Variants in ZC3H6 observed in about 807,000 individuals in gnomAD.
ZC3H6 encodes the protein zinc finger CCCH domain-containing protein 6.
Under a neutral mutation model 107.7 loss-of-function variants are expected in ZC3H6, and 40 were observed. The observed-to-expected ratio is 0.37, with a 90% CI of 0.29 to 0.48. The LOEUF is 0.48. ZC3H6 is among the 20% of genes least tolerant of loss of function. The pLI, the probability that ZC3H6 is intolerant of heterozygous loss-of-function variation, is 0.98. For missense variants in ZC3H6, 1,267 were observed against 1,410.4 expected (o/e 0.90, Z 1.63); for synonymous variants, 493 against 487.9 (o/e 1.01, Z -0.14).
intron 9 of ZC3H6, among the ~76,000 whole-genome samples, chr2:112,323,591 A>C (rs572681254): frequency 6.6e-6 from 1 of 152,330 alleles, no homozygotes; most frequent in African/African-American, 2.4e-5. Flanking sequence ...TAAAGATTAG[A>C]AGTGGAGTGG....
At chr2:112,280,940 A>G (rs1232558719) in intron 1 of ZC3H6, among the ~76,000 whole-genome samples, 2 of 151,634 alleles carry the variant, frequency 1.3e-5, no homozygotes, top group East Asian at 3.9e-4. Context: ...ATAGGAGGAA[A>G]TGGACTACAG....
chr2:112,319,627 C>A (rs1676764489), intron 7 of ZC3H6, among the ~76,000 whole-genome samples: 1 of 150,676 alleles, frequency 6.6e-6, no homozygotes, highest in South Asian at 2.1e-4. Context: ...GCCTGAGCAA[C>A]AGAGCAAGAC....
chr2:112,316,279 T>TG (rs374962445), intron 5 of ZC3H6, among the ~76,000 whole-genome samples, 191 bp from the exon 6 acceptor site: 4 of 152,112 alleles, frequency 2.6e-5, no homozygotes, highest in East Asian at 1.9e-4. Flanking sequence ...GGCTTTTTTT[T>TG]GCGATCACTA....
At chr2:112,295,534 A>G (rs900772427) in intron 1 of ZC3H6, among the ~76,000 whole-genome samples, 6 of 152,162 alleles carry the variant, frequency 3.9e-5, no homozygotes, top group Admixed American at 2.6e-4. Flanking sequence ...TGGAATTAGA[A>G]TCCAGCTTTC....
At chr2:112,289,057 T>C (rs1676031022) in intron 1 of ZC3H6, among the ~76,000 whole-genome samples, 1 of 72,338 alleles carries the variant, frequency 1.4e-5, no homozygotes, top group African/African-American at 4.9e-5. Flanking sequence ...TTTTTTCTTT[T>C]TTTTCTTTTT....
intron 3 of ZC3H6, among the ~76,000 whole-genome samples, chr2:112,309,674 G>A (rs891302710): frequency 2.0e-5 from 3 of 152,172 alleles, no homozygotes. Context: ...AAAGCATAAA[G>A]ATAACAATAT....
In ZC3H6 at chr2:112,310,109, A is replaced by G; in HGVS notation, c.561A>G (p.Ser187=). ...AKETSNIALG[S]SFSKESGKKQ... ...AAACCTCAAATATTGCTTTAGGGTC[A>G]TCATTTTCTAAAGAATCAGGAAAAA... is the stretch of plus-strand genomic sequence containing the variant. The change falls in exon 4 of 12, where the codon TCA becomes TCG. Residue 187 remains serine, a synonymous_variant. Coordinates refer to ENST00000409871, the MANE Select transcript of ZC3H6 (RefSeq NM_198581.3). 1 of 1,613,360 alleles carries G rather than the reference A, an allele frequency of 6.2e-7. No homozygotes were observed. The highest frequency in any genetic ancestry group is 1.1e-5 in the South Asian group (1 of 90,922).
Position 112,337,224 on chromosome 2 carries a change from T to G in ZC3H6, c.*4736T>G, listed in dbSNP as rs1453248424. The G allele has an allele frequency of 6.6e-6, 1 of 152,200 alleles. No homozygotes were observed. Among genetic ancestry groups the G allele is most frequent in the Non-Finnish European group, 1.5e-5 (1 of 68,032 alleles). 9.4% of individuals were successfully genotyped at this position (152,200 alleles called of 1,614,324 possible). The stretch of plus-strand genomic sequence containing the variant: ...TACAAGATTACTTCATGGTGAAAGT[T>G]TGGATTGATCAATAATTTATTCCTA... On this transcript the variant is annotated 3_prime_UTR_variant, in exon 12 of 12. Coordinates refer to ENST00000409871, the MANE Select transcript of ZC3H6 (RefSeq NM_198581.3).
At chr2:112,277,104 T>C (rs549108821) in intron 1 of ZC3H6, among the ~76,000 whole-genome samples, 3 of 152,308 alleles carry the variant, frequency 2.0e-5, no homozygotes, top group South Asian at 4.1e-4. Context: ...ATTTGAAATA[T>C]CTAAATACCT....
At chr2:112,285,041 A>C (rs1404511741) in intron 1 of ZC3H6, among the ~76,000 whole-genome samples, 1 of 152,120 alleles carries the variant, frequency 6.6e-6, no homozygotes, top group Non-Finnish European at 1.5e-5. Flanking sequence ...TATGATATAA[A>C]ATTTCTATTC....
At chr2:112,294,299 T>C (rs1051166068) in intron 1 of ZC3H6, among the ~76,000 whole-genome samples, 11 of 152,218 alleles carry the variant, frequency 7.2e-5, no homozygotes, top group Admixed American at 4.6e-4. Context: ...CCGTGTGAAT[T>C]AGTACAAAAG....
At position 112,325,114 on chromosome 2, in the gene ZC3H6, T is replaced by C; in HGVS notation, c.2003T>C (p.Leu668Pro). ...PGLLPAVQRA[L>P]FVRLTQRYQE... is the part of the protein sequence containing the mutation. ...CTCCTCCCTGCAGTGCAAAGAGCTC[T>C]TTTTGTAAGACTTACTCAGAGATAC... is the stretch of plus-strand genomic sequence containing the variant. The change falls in exon 11 of 12, where the codon CTT (leucine) becomes CCT (proline). Residue 668 changes from leucine (L) to proline (P), a missense_variant. Leu to Pro is a moderately conservative substitution (Grantham distance 98). Around this residue, in one of 3 missense-constraint regions of ZC3H6, gnomAD observed 925 missense variants for 1,025.7 expected, o/e 0.90. Transcript: ENST00000409871. The C allele has an allele frequency of 6.2e-7, 1 of 1,614,076 alleles. No individual in the cohort carries two copies. The highest frequency in any genetic ancestry group is 1.1e-5 in the South Asian group (1 of 91,084).
In ZC3H6 at chr2:112,276,006, T is replaced by G; in HGVS notation, c.12T>G (p.Ser4=). 1 of 1,541,226 alleles carries G rather than the reference T, an allele frequency of 6.5e-7. No homozygotes were observed. The highest frequency in any genetic ancestry group is 8.7e-7 in the Non-Finnish European group (1 of 1,143,130). ...GTTCTTGACCAAACATGACAGACTC[T>G]GAACATGCAGGGCACGACAGGTCGG... MTD[S]EHAGHDREDG... is the part of the protein sequence containing the mutation. The change falls in exon 1 of 12, where the codon TCT becomes TCG. Residue 4 remains serine, a synonymous_variant. Transcript: ENST00000409871.
intron 3 of ZC3H6, among the ~76,000 whole-genome samples, chr2:112,308,982 G>T (rs1676543544): frequency 6.6e-6 from 1 of 151,884 alleles, no homozygotes; most frequent in Non-Finnish European, 1.5e-5. Context: ...AACCCAAGAG[G>T]CAGAGGTCGC....
rs555046780 is a variant in ZC3H6 at position 112,285,547 on chromosome 2, G to A, written c.32+9521G>A. On this transcript the variant is annotated intron_variant, in intron 1 of 11. Coordinates refer to ENST00000409871, the MANE Select transcript of ZC3H6 (RefSeq NM_198581.3). Reference sequence around the variant, plus strand: ...AATTTTTGTATTTTTTGGTAGAGACGGGGTTTCACCATGTTGGCCAGGCTG... The same window carrying A: ...AATTTTTGTATTTTTTGGTAGAGACAGGGTTTCACCATGTTGGCCAGGCTG... Among the ~76,000 whole-genome samples the A allele has an allele frequency of 2.2e-3, 339 of 152,006 alleles. 1 individual carries two copies. The highest frequency in any genetic ancestry group is 7.8e-3 in the African/African-American group (324 of 41,506).
intron 1 of ZC3H6, among the ~76,000 whole-genome samples, chr2:112,278,763 G>T (rs1476350562): frequency 5.9e-5 from 9 of 152,312 alleles, no homozygotes; most frequent in South Asian, 2.1e-4. Flanking sequence ...GATTCTAAAT[G>T]TAAATGGAAT....
chr2:112,306,849 C>T (rs554223891), intron 3 of ZC3H6, among the ~76,000 whole-genome samples: 1 of 152,254 alleles, frequency 6.6e-6, no homozygotes, highest in South Asian at 2.1e-4. Context: ...ACAACAGAGA[C>T]AGTCTAAAGT....
At chr2:112,296,009 T>G (rs537164747) in intron 1 of ZC3H6, among the ~76,000 whole-genome samples, 2 of 152,270 alleles carry the variant, frequency 1.3e-5, no homozygotes, top group South Asian at 2.1e-4. Flanking sequence ...TAAACACTTA[T>G]AGATTTTTTT....
Position 112,276,015 on chromosome 2 carries a change from A to G in ZC3H6, c.21A>G (p.Ala7=). 1 of 1,540,820 alleles carries G rather than the reference A, an allele frequency of 6.5e-7. No homozygotes were observed. The highest frequency in any genetic ancestry group is 2.5e-5 in the East Asian group (1 of 39,824). The change falls in exon 1 of 12, where the codon GCA becomes GCG. Residue 7 remains alanine (A), a synonymous_variant. Transcript: ENST00000409871. ...CAAACATGACAGACTCTGAACATGC[A>G]GGGCACGACAGGTCGGGAACCCTTC... is the stretch of plus-strand genomic sequence containing the variant. MTDSEH[A]GHDREDGELE... is the part of the protein sequence containing the mutation.
Sources: gnomAD v4.1 joint callset for allele counts (sites outside exome capture counted in the v4.1 genomes callset) on GRCh38, gnomAD v4.1.1 for gene constraint, gnomAD v4.1.1 regional missense constraint, MANE v1.5 for transcripts, NCBI Gene and HGNC (gene_info 2026-07-23, HGNC 2026-07-21) for gene names.